THBS2: variants seen among roughly 807,000 people sequenced by gnomAD.
THBS2 encodes thrombospondin-2.
A neutral mutation model predicts 135.2 loss-of-function variants in THBS2; 47 were observed. The ratio of observed to expected loss-of-function variants is 0.35; its 90% CI spans 0.28 to 0.44. THBS2 has a LOEUF of 0.44. THBS2 is among the 20% of genes least tolerant of loss of function. THBS2 has a pLI of 1.00. For missense variants in THBS2, 1,288 were observed against 1,603.1 expected, an observed-to-expected ratio of 0.80 and a Z score of 3.36; for synonymous variants, 639 against 633.8, an observed-to-expected ratio of 1.01 and a Z score of -0.12.
intron 16 of THBS2, 98 bp from the exon 17 acceptor site, chr6:169,225,477 C>G: frequency 8.0e-7 from 1 of 1,257,446 alleles, no homozygotes; most frequent in South Asian, 1.4e-5. Flanking sequence ...GCCTCCTCGT[C>G]CTGCAGCACA....
At chr6:169,249,845 G>A (rs549615821) in intron 2 of THBS2, among the ~76,000 whole-genome samples, 23 of 152,166 alleles carry the variant, frequency 1.5e-4, no homozygotes, top group Non-Finnish European at 2.5e-4. Context: ...CATGGCTAAC[G>A]TGGTGAAACC....
rs1334896417 is a variant in THBS2 at position 169,232,473 on chromosome 6, G to A, written c.1932+191C>T. ...CGGCCTGACCCTCACAGGCCCGGCT[G>A]AGCACGCCCCGCACCCCGCGCGGAG... On this transcript the variant is annotated intron_variant, in intron 12 of 21. Transcript: ENST00000617924. 4.4e-5 allele frequency among the ~76,000 whole-genome samples: 5 copies of A among 114,210 alleles called. No homozygotes were observed. The East Asian group carries it at 1.1e-3, about 25-fold the overall frequency. 74.9% of individuals were successfully genotyped at this position (114,210 alleles called of 152,430 possible).
rs138932100 is a variant in THBS2, at chr6:169,222,396, G to A, written c.3074C>T (p.Ala1025Val). The A allele has an allele frequency of 2.2e-4, 351 of 1,613,742 alleles. 5 individuals carry two copies. The East Asian group carries it at 4.9e-3, about 23-fold the overall frequency. ...YVNTDRDDDY[A>V]GFVFGYQSSS... ...TGACTGGTAACCAAAGACGAAGCCGGCATAGTCGTCGTCCCGGTCAGTGTT... is the reference window on the plus strand; with the variant it reads ...TGACTGGTAACCAAAGACGAAGCCGACATAGTCGTCGTCCCGGTCAGTGTT... The change falls in exon 19 of 22, where the codon GCC becomes GTC. Residue 1025 changes from alanine (A) to valine (V), a missense_variant. Transcript: ENST00000617924.
Position 169,241,682 on chromosome 6 carries a change from A to C in THBS2, c.891+80T>G. ...GCATGAGGCACTGCCAAGCCAGGGA[A>C]TGTTGATACCTGCTGAGATGGGCCA... On this transcript the variant is annotated intron_variant, in intron 5 of 21. Coordinates refer to ENST00000617924, the MANE Select transcript of THBS2 (RefSeq NM_003247.5). This position sits in a 1 kb window ranked among gnomAD's most constrained non-coding sequence, Gnocchi z 5.5. The C allele has an allele frequency of 2.9e-6, 4 of 1,400,976 alleles. No individual in the cohort carries two copies. Among genetic ancestry groups the C allele is most frequent in the Non-Finnish European group, 3.9e-6 (4 of 1,025,258 alleles). The allele number at this position is 1,400,976 out of a possible 1,614,324, so 86.8% of individuals were successfully genotyped here.
At chr6:169,243,599 C>T (rs1315926603) in intron 4 of THBS2, among the ~76,000 whole-genome samples, 1 of 152,206 alleles carries the variant, frequency 6.6e-6, no homozygotes, top group Non-Finnish European at 1.5e-5. Flanking sequence ...TCATGTTGCC[C>T]ATAACCATGT....
intron 7 of THBS2, chr6:169,239,241 A>G: frequency 3.3e-6 from 1 of 302,302 alleles, no homozygotes; most frequent in Non-Finnish European, 6.1e-6. Flanking sequence ...GTGTACAGTG[A>G]TCACTTGCTG....
chr6:169,244,969 C>T (rs184673719), intron 4 of THBS2, among the ~76,000 whole-genome samples: 38 of 152,352 alleles, frequency 2.5e-4, no homozygotes, highest in Admixed American at 9.1e-4. Flanking sequence ...GAGTGGGCTA[C>T]GCACCCCGGT....
At position 169,246,170 on chromosome 6, in the gene THBS2, A is replaced by C. The variant is rs369402244; in HGVS notation, c.694+27T>G. On this transcript the variant is annotated intron_variant, in intron 4 of 21. Transcript: ENST00000617924. Reference sequence around the variant, plus strand: ...TAGAAATCCATCCAAGCCAGTATATAAAATGCATTTTTCACAACACACCTA... The same window carrying C: ...TAGAAATCCATCCAAGCCAGTATATCAAATGCATTTTTCACAACACACCTA... 1.7e-4 allele frequency: 265 copies of C among 1,589,328 alleles called. No individual in the cohort carries two copies. The Middle Eastern group carries it at 2.6e-3, about 16-fold the overall frequency.
chr6:169,234,669 C>G (rs1025190962), intron 10 of THBS2, 65 bp downstream of exon 10: 1 of 1,392,088 alleles, frequency 7.2e-7, no homozygotes. Context: ...TTTCCCAAAG[C>G]GTTTGTGCTT....
At chr6:169,240,624 A>G in intron 5 of THBS2, 32 bp from the exon 6 acceptor site, 2 of 1,605,946 alleles carry the variant, frequency 1.2e-6, no homozygotes, top group East Asian at 2.2e-5. Flanking sequence ...TTAAGTGTAG[A>G]CAATAATACT....
At chr6:169,232,537 G>A in intron 12 of THBS2, 127 bp downstream of exon 12, 1 of 1,451,462 alleles carries the variant, frequency 6.9e-7, no homozygotes, top group African/African-American at 1.4e-5. Flanking sequence ...GCTTCCCCGG[G>A]CCAGCCCCTC....
chr6:169,234,948 C>A (rs911317100), intron 9 of THBS2, 41 bp from the exon 10 acceptor site: 1 of 1,569,492 alleles, frequency 6.4e-7, no homozygotes, highest in African/African-American at 1.3e-5. Flanking sequence ...GAGCAAGACC[C>A]GGGGTGGAGA....
At chr6:169,250,384 T>A (rs951294253) in intron 2 of THBS2, among the ~76,000 whole-genome samples, 1 of 152,152 alleles carries the variant, frequency 6.6e-6, no homozygotes, top group South Asian at 2.1e-4. Context: ...AATCATACTG[T>A]AGAAAAGTAA....
In THBS2 at chr6:169,231,980, C is replaced by T. The variant is rs761788206; in HGVS notation, c.2151G>A (p.Lys717=). ...CATNATYHCI[K]DNCPHLPNSG... ...GTGCCCTGCGAGCCCCGCGCCTCAC[C>T]TTGATGCAGTGGTAGGTGGCGTTGG... Residue 717 remains lysine, a splice_region_variant and synonymous_variant, in exon 13 of 22, where the codon AAG becomes AAA. Transcript: ENST00000617924. 1 of 1,613,688 alleles carries T rather than the reference C, an allele frequency of 6.2e-7. No individual in the cohort carries two copies. The highest frequency in any genetic ancestry group is 8.5e-7 in the Non-Finnish European group (1 of 1,179,876).
At chr6:169,251,345 T>C (rs1217817213) in intron 1 of THBS2, among the ~76,000 whole-genome samples, 3 of 152,344 alleles carry the variant, frequency 2.0e-5, no homozygotes, top group Middle Eastern at 3.4e-3. Flanking sequence ...ATAAACTTAA[T>C]TTGGTGAATT....
chr6:169,239,508 T>C (rs1033154145), intron 7 of THBS2, 91 bp downstream of exon 7: 5 of 1,274,394 alleles, frequency 3.9e-6, no homozygotes, highest in Non-Finnish European at 5.5e-6. Context: ...AACCTCACTC[T>C]TCTCTGCCAA....
chr6:169,236,344 C>T (rs1780068136), intron 9 of THBS2, among the ~76,000 whole-genome samples: 7 of 119,090 alleles, frequency 5.9e-5, no homozygotes, highest in Non-Finnish European at 9.1e-5. Flanking sequence ...CACACTCACT[C>T]CCCATCCACA....
In THBS2 at chr6:169,215,816, GT is replaced by G. The variant is rs1262185198; in HGVS notation, c.*2005del. 2.0e-5 allele frequency: 3 copies of G among 151,530 alleles called. No individual in the cohort carries two copies. The highest frequency in any genetic ancestry group is 7.3e-5 in the African/African-American group (3 of 41,054). The allele number at this position is 151,530 out of a possible 1,614,324, so 9.4% of individuals were successfully genotyped here. A position where few individuals can be genotyped will look rare whatever the true frequency, so the allele number is the denominator to read the frequency against. On this transcript the variant is annotated 3_prime_UTR_variant, in exon 22 of 22. Transcript: ENST00000617924. ...AAACCTTTTTTACAATTTATTTCCT[GT>G]TGTTAATCTTTAAAAATGAGGTTCT... is the stretch of plus-strand genomic sequence containing the variant.
intron 9 of THBS2, among the ~76,000 whole-genome samples, chr6:169,236,824 T>C (rs1342161902): frequency 6.8e-6 from 1 of 147,024 alleles, no homozygotes; most frequent in Non-Finnish European, 1.5e-5. Context: ...TCACTCCCCG[T>C]CCACACTCAC....
Sources: gnomAD v4.1 joint callset for allele counts (sites outside exome capture counted in the v4.1 genomes callset) on GRCh38, gnomAD v4.1.1 for gene constraint, Gnocchi (gnomAD v3.1) non-coding constraint, MANE v1.5 for transcripts, NCBI Gene and HGNC (gene_info 2026-07-23, HGNC 2026-07-21) for gene names.